The following PUDP variants were observed in gnomAD, a reference collection of about 807,000 sequenced individuals.
PUDP encodes pseudouridine-5'-phosphatase.
In PUDP, 8 loss-of-function variants were observed where a neutral mutation model predicts 9.4. That is an observed-to-expected ratio of 0.85 (90% CI 0.50 to 1.53). The LOEUF (loss-of-function observed/expected upper bound fraction) is 1.53, where lower values mean the gene tolerates loss of function less well. PUDP is among the 40% of genes most tolerant of loss of function. The probability of loss-of-function intolerance (pLI) is 0.00; values close to 1 mark genes in which losing one functional copy is unlikely to be tolerated. For missense variants in PUDP, 188 were observed against 189.7 expected (o/e 0.99, Z 0.05); for synonymous variants, 99 against 80.7 (o/e 1.23, Z -1.22).
intron 3 of PUDP, among the ~76,000 whole-genome samples, chrX:6,894,803 AGTCGTTC>A (rs1927564237): frequency 8.9e-6 from 1 of 112,141 alleles, no homozygotes; most frequent in African/African-American, 3.2e-5. Flanking sequence ...CCAGGGAATC[AGTCGTTC>A]GACCCTGAAA....
At chrX:6,815,298 C>T (rs1265292861) in intron 3 of PUDP, among the ~76,000 whole-genome samples, 5 of 110,836 alleles carry the variant, frequency 4.5e-5, no homozygotes, top group Admixed American at 2.9e-4. Context: ...TCCCAGTCCA[C>T]TTTGCTGTAA....
chrX:6,900,019 C>A (rs961650689), intron 3 of PUDP, among the ~76,000 whole-genome samples: 1 of 110,883 alleles, frequency 9.0e-6, no homozygotes, highest in Non-Finnish European at 1.9e-5. Context: ...TCAAGACCAG[C>A]CTGGGCAACA....
At position 6,971,160 on chromosome X, in the gene PUDP, G is replaced by A. The variant is rs1440050018; in HGVS notation, c.*247+5973C>T. On this transcript the variant is annotated intron_variant and NMD_transcript_variant, in intron 3 of 3. Coordinates refer to the PUDP transcript ENST00000655425. ...CGCTATGGACAAGAGGATGCTGCAT[G>A]TTCATGCGCCACCTGACAGATCCAT... is the stretch of plus-strand genomic sequence containing the variant. Among the ~76,000 whole-genome samples, 3 of 111,834 alleles carry A rather than the reference G, an allele frequency of 2.7e-5. 1 individual carries two copies. The Middle Eastern group carries it at 0.014, about 515-fold the overall frequency.
At chrX:7,120,899 T>C (rs764964875) in intron 1 of PUDP, among the ~76,000 whole-genome samples, 1 of 111,985 alleles carries the variant, frequency 8.9e-6, no homozygotes, top group Non-Finnish European at 1.9e-5. Flanking sequence ...AAAGAACATA[T>C]ACTGTGTGGT....
At chrX:6,727,792 G>C (rs1489546841) in intron 3 of PUDP, among the ~76,000 whole-genome samples, 3 of 111,491 alleles carry the variant, frequency 2.7e-5, no homozygotes, top group African/African-American at 9.8e-5. Context: ...TGGTGCAACA[G>C]CACAGGTGGC....
intron 3 of PUDP, among the ~76,000 whole-genome samples, chrX:6,758,083 G>C (rs1055459685): frequency 1.8e-5 from 2 of 112,335 alleles, no homozygotes; most frequent in African/African-American, 6.5e-5. Flanking sequence ...TAATTTTAAA[G>C]ATGGTTGGGA....
intron 3 of PUDP, among the ~76,000 whole-genome samples, chrX:6,854,322 CAGAAAAAA>C (rs1268255259): frequency 9.0e-6 from 1 of 111,284 alleles, no homozygotes; most frequent in Admixed American, 9.6e-5. Flanking sequence ...CATTCAGAAT[CAGAAAAAA>C]AGAAAAAAAA....
Position 6,778,643 on chromosome X carries a change from A to G in PUDP, c.*248-72177T>C, listed in dbSNP as rs187383801. ...CATTTGCATCCAGAGTGCCGCAGGC[A>G]GCTCTCCAAGAGGGAGCCCGCAGAA... On this transcript the variant is annotated intron_variant and NMD_transcript_variant, in intron 3 of 3. Coordinates refer to the PUDP transcript ENST00000655425. Among the ~76,000 whole-genome samples, 433 of 112,435 alleles carry G rather than the reference A, an allele frequency of 3.9e-3. 3 individuals carry two copies. The highest frequency in any genetic ancestry group is 0.013 in the African/African-American group (407 of 30,954).
chrX:6,950,057 G>A lies in PUDP; in HGVS notation c.*247+27076C>T, dbSNP rs964169245. On this transcript the variant is annotated intron_variant and NMD_transcript_variant, in intron 3 of 3. Coordinates refer to the PUDP transcript ENST00000655425. ...AGTCTGGTAAAAATGATGGAGTCAG[G>A]CTGGGTGTGGCAGCTCACACCTGTA... Among the ~76,000 whole-genome samples, 3 of 111,248 alleles carry A rather than the reference G, an allele frequency of 2.7e-5. No homozygotes were observed. In the Admixed American group the frequency reaches 2.9e-4, roughly 11 times the overall value.
At chrX:6,871,165 C>A (rs1363788285) in intron 3 of PUDP, among the ~76,000 whole-genome samples, 1 of 111,841 alleles carries the variant, frequency 8.9e-6, no homozygotes, top group African/African-American at 3.3e-5. Flanking sequence ...CAGGGCAAAT[C>A]TGTAGCACTA....
At chrX:6,751,303 A>G (rs1423182597) in intron 3 of PUDP, among the ~76,000 whole-genome samples, 2 of 112,062 alleles carry the variant, frequency 1.8e-5, no homozygotes, top group Admixed American at 9.4e-5. Flanking sequence ...TCAGATGCCA[A>G]TTCTGGTGCC....
At chrX:7,072,813 C>CAAAAA (rs774767127) in intron 3 of PUDP, among the ~76,000 whole-genome samples, 1 of 33,006 alleles carries the variant, frequency 3.0e-5, no homozygotes, top group Non-Finnish European at 5.9e-5. Context: ...GACTGTGTCT[C>CAAAAA]AAAAAAAAAA....
At chrX:6,888,649 CAAAACA>C (rs1055915956) in intron 3 of PUDP, among the ~76,000 whole-genome samples, 3 of 110,408 alleles carry the variant, frequency 2.7e-5, no homozygotes, top group Admixed American at 9.7e-5. Flanking sequence ...GACTCCATCT[CAAAACA>C]AAAACAAAAA....
At chrX:6,854,271 G>A (rs924421316) in intron 3 of PUDP, among the ~76,000 whole-genome samples, 7 of 111,380 alleles carry the variant, frequency 6.3e-5, no homozygotes, top group African/African-American at 2.3e-4. Flanking sequence ...CAATTGTGAT[G>A]CATACACTCT....
chrX:7,119,560 GC>G (rs1413100411), intron 1 of PUDP, among the ~76,000 whole-genome samples: 1 of 112,479 alleles, frequency 8.9e-6, no homozygotes. Flanking sequence ...GTAGCTGTAA[GC>G]TATCATTTTT....
chrX:6,785,446 A>G (rs1028018312), intron 3 of PUDP, among the ~76,000 whole-genome samples: 2 of 112,030 alleles, frequency 1.8e-5, no homozygotes, highest in African/African-American at 6.5e-5. Flanking sequence ...TTCTTCTTCA[A>G]ATTATATTTC....
At chrX:6,798,946 C>A (rs981560999) in intron 3 of PUDP, among the ~76,000 whole-genome samples, 1 of 111,272 alleles carries the variant, frequency 9.0e-6, no homozygotes, top group Non-Finnish European at 1.9e-5. Context: ...CCACCATGAC[C>A]AGCTAATATT....
chrX:6,928,675 G>A (rs1928142687), intron 3 of PUDP, among the ~76,000 whole-genome samples: 1 of 111,374 alleles, frequency 9.0e-6, no homozygotes, highest in African/African-American at 3.3e-5. Flanking sequence ...AGGGTGAATT[G>A]CTTGAGCTCA....
intron 2 of PUDP, among the ~76,000 whole-genome samples, chrX:7,098,663 C>T (rs1213464177): frequency 9.0e-6 from 1 of 111,407 alleles, no homozygotes; most frequent in Non-Finnish European, 1.9e-5. Context: ...TCCTTTCTAC[C>T]ACACAGGCCA....
Sources: allele counts gnomAD v4.1 joint callset (sites outside exome capture counted in the v4.1 genomes callset), GRCh38; gene constraint gnomAD v4.1.1; transcripts MANE v1.5; gene names NCBI Gene and HGNC (gene_info 2026-07-23, HGNC 2026-07-21).